The following DYM variants were observed in gnomAD, a reference collection of about 807,000 sequenced individuals.
DYM encodes dyggve-Melchior-Clausen syndrome protein.
In DYM, 78 loss-of-function variants were observed where a neutral mutation model predicts 93.1. The observed-to-expected ratio is 0.84, with a 90% CI of 0.70 to 1.01. DYM has a LOEUF of 1.01. DYM is among the 50% of genes least tolerant of loss of function. The probability of loss-of-function intolerance (pLI) is 0.00; values close to 1 mark genes in which losing one functional copy is unlikely to be tolerated. For missense variants in DYM, 789 were observed against 845.0 expected, an observed-to-expected ratio of 0.93 and a Z score of 0.82; for synonymous variants, 321 against 319.7, an observed-to-expected ratio of 1.00 and a Z score of -0.04.
intron 13 of DYM, among the ~76,000 whole-genome samples, chr18:49,211,218 T>C (rs777505234): frequency 1.3e-5 from 2 of 152,114 alleles, no homozygotes; most frequent in Non-Finnish European, 2.9e-5. Context: ...GCGAACAACA[T>C]AGTAAAAAAT....
At chr18:49,217,818 C>T (rs1280629247) in intron 13 of DYM, among the ~76,000 whole-genome samples, 2 of 152,166 alleles carry the variant, frequency 1.3e-5, no homozygotes, top group African/African-American at 2.4e-5. Flanking sequence ...TTGTAAAGAC[C>T]GTCGAGGCTG....
intron 14 of DYM, among the ~76,000 whole-genome samples, chr18:49,192,776 A>G (rs571993262): frequency 8.5e-5 from 13 of 152,106 alleles, no homozygotes; most frequent in African/African-American, 3.1e-4. Flanking sequence ...GTGGTTTTAT[A>G]TAAATTTTAG....
chr18:49,172,892 T>G (rs1284608680), intron 14 of DYM, among the ~76,000 whole-genome samples: 2 of 152,148 alleles, frequency 1.3e-5, no homozygotes, highest in Non-Finnish European at 2.9e-5. Flanking sequence ...ATTTCTTCTA[T>G]AGTTTTACAG....
At chr18:49,217,669 A>G (rs1238314694) in intron 13 of DYM, among the ~76,000 whole-genome samples, 2 of 152,206 alleles carry the variant, frequency 1.3e-5, no homozygotes, top group Non-Finnish European at 2.9e-5. Flanking sequence ...TCATAAGTGA[A>G]GGAGAAATAA....
chr18:49,319,162 A>T (rs2062274874), intron 8 of DYM, among the ~76,000 whole-genome samples: 1 of 152,222 alleles, frequency 6.6e-6, no homozygotes, highest in African/African-American at 2.4e-5. Context: ...TTACACTTTC[A>T]AACAGTTACT....
intron 13 of DYM, among the ~76,000 whole-genome samples, chr18:49,235,498 C>T (rs577273112): frequency 6.6e-6 from 1 of 152,236 alleles, no homozygotes; most frequent in African/African-American, 2.4e-5. Flanking sequence ...GTTAAACAGA[C>T]TTTAATAAGG....
chr18:49,131,915 C>T (rs528708663), intron 15 of DYM, among the ~76,000 whole-genome samples: 3 of 151,866 alleles, frequency 2.0e-5, no homozygotes, highest in Non-Finnish European at 2.9e-5. Flanking sequence ...CAATTTCTGC[C>T]GTATAATTGG....
intron 13 of DYM, among the ~76,000 whole-genome samples, chr18:49,251,201 A>G (rs1222489578): frequency 6.6e-6 from 1 of 152,214 alleles, no homozygotes; most frequent in African/African-American, 2.4e-5. Context: ...AAAAGAAGCA[A>G]TGAGATTTGC....
intron 15 of DYM, among the ~76,000 whole-genome samples, chr18:49,132,841 A>G (rs896729522): frequency 2.0e-5 from 3 of 152,164 alleles, no homozygotes; most frequent in Non-Finnish European, 4.4e-5. Flanking sequence ...GATCATCTTA[A>G]TAGATTTTGA....
chr18:49,103,820 T>C (rs1415970917), intron 16 of DYM, among the ~76,000 whole-genome samples: 6 of 151,984 alleles, frequency 3.9e-5, no homozygotes, highest in Non-Finnish European at 5.9e-5. Context: ...TGTAGCCTTG[T>C]AGTATAGTTT....
chr18:49,359,534 T>C (rs143965800), intron 6 of DYM, among the ~76,000 whole-genome samples: 2 of 152,350 alleles, frequency 1.3e-5, no homozygotes, highest in East Asian at 3.9e-4. Context: ...TTATTTCAAG[T>C]ATGCCACTGA....
At chr18:49,327,204 T>C (rs919252176) in intron 8 of DYM, among the ~76,000 whole-genome samples, 1 of 152,144 alleles carries the variant, frequency 6.6e-6, no homozygotes, top group African/African-American at 2.4e-5. Flanking sequence ...CTTTTCTATA[T>C]GTGTGAACTT....
intron 3 of DYM, among the ~76,000 whole-genome samples, chr18:49,388,121 C>T (rs2068813423): frequency 6.6e-6 from 1 of 152,096 alleles, no homozygotes; most frequent in Admixed American, 6.5e-5. Context: ...GGGAGGATCA[C>T]TTGAGCCCAG....
At chr18:49,331,071 G>A (rs906620213) in intron 8 of DYM, among the ~76,000 whole-genome samples, 8 of 152,064 alleles carry the variant, frequency 5.3e-5, no homozygotes, top group Non-Finnish European at 1.0e-4. Flanking sequence ...TGTAGAGCAC[G>A]CCACAGCCAT....
At chr18:49,435,746 G>C (rs1457747791) in intron 1 of DYM, among the ~76,000 whole-genome samples, 2 of 152,074 alleles carry the variant, frequency 1.3e-5, no homozygotes, top group African/African-American at 4.8e-5. Flanking sequence ...CCGAGATCGT[G>C]CCATTGCACT....
chr18:49,104,729 T>C (rs1031457338), intron 16 of DYM, among the ~76,000 whole-genome samples: 3 of 152,252 alleles, frequency 2.0e-5, no homozygotes, highest in African/African-American at 4.8e-5. Flanking sequence ...ATTTGGTATG[T>C]TGAACCAGCC....
At chr18:49,166,516 ACTG>A (rs200088014) in intron 14 of DYM, among the ~76,000 whole-genome samples, 1 of 152,280 alleles carries the variant, frequency 6.6e-6, no homozygotes, top group East Asian at 1.9e-4. Context: ...CTGAAGCAAA[ACTG>A]CTGAGTAAGA....
At chr18:49,289,726 T>G (rs1233476857) in intron 8 of DYM, among the ~76,000 whole-genome samples, 1 of 37,436 alleles carries the variant, frequency 2.7e-5, no homozygotes, top group African/African-American at 1.1e-4. Context: ...TATATATATG[T>G]GTATATATAT....
intron 2 of DYM, among the ~76,000 whole-genome samples, chr18:49,428,717 A>G (rs532424684): frequency 6.6e-6 from 1 of 152,210 alleles, no homozygotes; most frequent in East Asian, 1.9e-4. Context: ...AGTGCAATCT[A>G]GAGTTTGGGG....
Sources: gnomAD v4.1 joint callset for allele counts (sites outside exome capture counted in the v4.1 genomes callset) on GRCh38, gnomAD v4.1.1 for gene constraint, MANE v1.5 for transcripts, NCBI Gene and HGNC (gene_info 2026-07-23, HGNC 2026-07-21) for gene names.